Variants in CACNB2 observed in about 807,000 individuals in gnomAD.
CACNB2 encodes the protein calcium voltage-gated channel auxiliary subunit beta 2.
CACNB2 carries 42 observed loss-of-function variants against 73.3 expected under a neutral mutation model. The ratio of observed to expected loss-of-function variants is 0.57; its 90% confidence interval spans 0.45 to 0.74. The LOEUF is 0.74. CACNB2 is among the 30% of genes least tolerant of loss of function. The pLI, the probability that CACNB2 is intolerant of heterozygous loss-of-function variation, is 0.00. For missense variants in CACNB2, 940 were observed against 853.0 expected, an observed-to-expected ratio of 1.10 and a Z score of -1.27; for synonymous variants, 348 against 310.3, an observed-to-expected ratio of 1.12 and a Z score of -1.28.
At position 18,322,491 on chromosome 10, in the gene CACNB2, C is replaced by G. The variant is rs534505946; in HGVS notation, c.214-79433C>G. Among the ~76,000 whole-genome samples the G allele has an allele frequency of 1.2e-4, 18 of 152,266 alleles. No individual in the cohort carries two copies. The East Asian group carries it at 3.5e-3, about 29-fold the overall frequency. On this transcript the variant is annotated intron_variant, in intron 2 of 13. Transcript: ENST00000324631. ...GTTTGTTGTCCTACAAAACATCCCA[C>G]ATTTCCATAATTTTACAAAATTACC...
In CACNB2 at chr10:18,411,952, T is replaced by C. The variant is rs78183760; in HGVS notation, c.333+9909T>C. Reference sequence around the variant, plus strand: ...TCAGCCTAGTGGCATTAAGTCACCATTTTATTTAGGTTACACTTCTCTGCC... The same window carrying C: ...TCAGCCTAGTGGCATTAAGTCACCACTTTATTTAGGTTACACTTCTCTGCC... On this transcript the variant is annotated intron_variant, in intron 3 of 13. Coordinates refer to ENST00000324631, the MANE Select transcript of CACNB2 (RefSeq NM_201596.3). Among the ~76,000 whole-genome samples, 1,231 of 152,316 alleles carry C rather than the reference T, an allele frequency of 8.1e-3. 11 individuals carry two copies. The highest frequency in any genetic ancestry group is 0.012 in the Non-Finnish European group (813 of 68,024).
chr10:18,275,778 G>T (rs1407407641), intron 2 of CACNB2, among the ~76,000 whole-genome samples: 1 of 152,040 alleles, frequency 6.6e-6, no homozygotes, highest in Non-Finnish European at 1.5e-5. Context: ...TCTGTGTTTT[G>T]TAAACTGCAT....
rs74120235 is a variant in CACNB2, at chr10:18,150,879, T to G, written c.121-4T>G. 0.014 allele frequency: 17,489 copies of G among 1,256,432 alleles called. 61 individuals carry two copies. Among genetic ancestry groups the G allele is most frequent in the Middle Eastern group, 0.023 (105 of 4,472 alleles). The allele number at this position is 1,256,432 out of a possible 1,614,324, so 77.8% of individuals were successfully genotyped here. On this transcript the variant is annotated splice_region_variant and splice_polypyrimidine_tract_variant and intron_variant, in intron 1 of 13. Coordinates refer to ENST00000324631, the MANE Select transcript of CACNB2 (RefSeq NM_201596.3). ...TCTTTTTTTTTTTTTTTTTTTTTTTTTAGTCATATGGAAAAGGAGCCAGAA... is the reference window on the plus strand; with the variant it reads ...TCTTTTTTTTTTTTTTTTTTTTTTTGTAGTCATATGGAAAAGGAGCCAGAA...
At chr10:18,359,182 G>A (rs545851838) in intron 2 of CACNB2, among the ~76,000 whole-genome samples, 39 of 151,808 alleles carry the variant, frequency 2.6e-4, no homozygotes, top group Admixed American at 1.4e-3. Context: ...AAAATATCCC[G>A]TGTCCATTGA....
At chr10:18,472,760 C>G (rs1220786257) in intron 3 of CACNB2, among the ~76,000 whole-genome samples, 1 of 152,202 alleles carries the variant, frequency 6.6e-6, no homozygotes, top group Non-Finnish European at 1.5e-5. Context: ...AAACAAGCAG[C>G]CTTTCAGGAA....
intron 2 of CACNB2, among the ~76,000 whole-genome samples, chr10:18,270,703 G>C (rs2038015314): frequency 6.6e-6 from 1 of 152,022 alleles, no homozygotes; most frequent in Admixed American, 6.6e-5. Flanking sequence ...CACAGAGGCT[G>C]TTCCCTGGTC....
intron 2 of CACNB2, among the ~76,000 whole-genome samples, chr10:18,212,382 T>A (rs2035353206): frequency 6.6e-6 from 1 of 152,190 alleles, no homozygotes; most frequent in South Asian, 2.1e-4. Context: ...CTTTTTATAT[T>A]GATTTGTAGA....
chr10:18,507,897 G>C (rs182762008), intron 6 of CACNB2, among the ~76,000 whole-genome samples: 68 of 152,200 alleles, frequency 4.5e-4, no homozygotes, highest in Admixed American at 1.1e-3. Context: ...CCTGAATGGT[G>C]GTGGCCTTTA....
chr10:18,493,602 C>T (rs2049596750), intron 3 of CACNB2, among the ~76,000 whole-genome samples: 2 of 152,100 alleles, frequency 1.3e-5, no homozygotes, highest in Admixed American at 6.6e-5. Flanking sequence ...TCTGTAATCC[C>T]GTTACCTTAA....
chr10:18,199,253 A>C (rs1431581336), intron 2 of CACNB2, among the ~76,000 whole-genome samples: 1 of 152,226 alleles, frequency 6.6e-6, no homozygotes, highest in Non-Finnish European at 1.5e-5. Context: ...TGCAACAAAG[A>C]ATATACCAAG....
chr10:18,493,757 T>C (rs1280924687), intron 3 of CACNB2, among the ~76,000 whole-genome samples: 1 of 152,170 alleles, frequency 6.6e-6, no homozygotes, highest in Non-Finnish European at 1.5e-5. Context: ...TGAACCCATA[T>C]GAATGAAATT....
intron 3 of CACNB2, among the ~76,000 whole-genome samples, chr10:18,421,441 G>A (rs2045319255): frequency 6.6e-6 from 1 of 151,856 alleles, no homozygotes; most frequent in Non-Finnish European, 1.5e-5. Flanking sequence ...GGGATTACAG[G>A]AATGCACCAC....
rs181480625 is a variant in CACNB2 at position 18,303,317 on chromosome 10, G to A, written c.214-98607G>A. On this transcript the variant is annotated intron_variant, in intron 2 of 13. Coordinates refer to ENST00000324631, the MANE Select transcript of CACNB2 (RefSeq NM_201596.3). ...GAGGAGTTCAAGAACAGCCTGGCCA[G>A]CATAGTAAGACGTCATCTCTGCAAA... Among the ~76,000 whole-genome samples the A allele has an allele frequency of 6.0e-4, 92 of 152,202 alleles. 1 individual carries two copies. The highest frequency in any genetic ancestry group is 5.2e-3 in the Admixed American group (80 of 15,278).
Position 18,164,087 on chromosome 10 carries a change from T to C in CACNB2, c.213+13112T>C, listed in dbSNP as rs370861464. On this transcript the variant is annotated intron_variant, in intron 2 of 13. Coordinates refer to ENST00000324631, the MANE Select transcript of CACNB2 (RefSeq NM_201596.3). ...CTATTGGCAAGGTTATTACAGAGTT[T>C]TGCAGTTTTAAAAAGATCTTTGTAA... 6.9e-4 allele frequency among the ~76,000 whole-genome samples: 105 copies of C among 152,308 alleles called. 1 individual carries two copies. The South Asian group carries it at 0.012, about 17-fold the overall frequency.
intron 2 of CACNB2, among the ~76,000 whole-genome samples, chr10:18,318,016 G>A (rs2040258175): frequency 2.0e-5 from 3 of 152,144 alleles, no homozygotes; most frequent in African/African-American, 7.2e-5. Context: ...TCATGGATAG[G>A]AAGATTCAAT....
At position 18,176,510 on chromosome 10, in the gene CACNB2, G is replaced by GA. The variant is rs1314625362; in HGVS notation, c.213+25535_213+25536insA. Among the ~76,000 whole-genome samples the GA allele has an allele frequency of 2.6e-5, 4 of 152,106 alleles. No homozygotes were observed. In the East Asian group the frequency reaches 7.7e-4, roughly 29 times the overall value. ...TCCAACAGTGGGGATGGGAAAGATGGGTGTTCTAGGAGTGGAGACCAGGGT... is the reference window on the plus strand; with the variant it reads ...TCCAACAGTGGGGATGGGAAAGATGGAGTGTTCTAGGAGTGGAGACCAGGGT... On this transcript the variant is annotated intron_variant, in intron 2 of 13. Coordinates refer to ENST00000324631, the MANE Select transcript of CACNB2 (RefSeq NM_201596.3).
intron 2 of CACNB2, among the ~76,000 whole-genome samples, chr10:18,362,513 A>T (rs992077805): frequency 1.3e-5 from 2 of 152,220 alleles, no homozygotes; most frequent in African/African-American, 4.8e-5. Context: ...ATGGACACAG[A>T]AGTCACCATA....
chr10:18,488,510 A>G (rs938063011), intron 3 of CACNB2, among the ~76,000 whole-genome samples: 9 of 140,704 alleles, frequency 6.4e-5, no homozygotes, highest in African/African-American at 2.3e-4. Context: ...GAAAATCAGG[A>G]TTTGACATCG....
At chr10:18,141,046 C>T in intron 1 of CACNB2, 190 bp downstream of exon 1, 1 of 1,545,544 alleles carries the variant, frequency 6.5e-7, no homozygotes, top group East Asian at 2.4e-5. Context: ...GGCTCTGCCT[C>T]GGCTTCCATT....
Sources: allele counts gnomAD v4.1 joint callset (sites outside exome capture counted in the v4.1 genomes callset), GRCh38; gene constraint gnomAD v4.1.1; transcripts MANE v1.5; gene names NCBI Gene and HGNC (gene_info 2026-07-23, HGNC 2026-07-21).